The following C21orf58 variants were observed in gnomAD, a reference collection of about 807,000 sequenced individuals.
The protein encoded by C21orf58 is uncharacterized protein C21orf58.
C21orf58 carries 34 observed loss-of-function variants against 35.8 expected under a neutral mutation model. That is an observed-to-expected ratio of 0.95 (90% CI 0.72 to 1.26). C21orf58 has a LOEUF of 1.26. Among genes scored for constraint, C21orf58 ranks in the 50% most tolerant of loss-of-function variants. The pLI is 0.00. For synonymous variants in C21orf58, 191 were observed against 175.8 expected (o/e 1.09, Z -0.68); for missense variants, 440 against 414.3 (o/e 1.06, Z -0.54).
At chr21:46,309,490 C>A (rs1010746577) in intron 6 of C21orf58, among the ~76,000 whole-genome samples, 20 of 151,636 alleles carry the variant, frequency 1.3e-4, no homozygotes, top group Non-Finnish European at 2.4e-4. Context: ...TACTCAGTTT[C>A]AGATATTCTG....
chr21:46,313,152 G>T, intron 5 of C21orf58: 5 of 683,372 alleles, frequency 7.3e-6, no homozygotes, highest in Non-Finnish European at 7.2e-6. Context: ...GGCCATTGCA[G>T]CATGAAAGCA....
At chr21:46,307,156 A>C (rs190505609) in intron 6 of C21orf58, among the ~76,000 whole-genome samples, 3 of 151,910 alleles carry the variant, frequency 2.0e-5, no homozygotes, top group South Asian at 2.1e-4. Flanking sequence ...TTAGCCTCCC[A>C]AAGTGCTGGG....
Position 46,319,673 on chromosome 21 carries a change from C to T in C21orf58, c.101-1453G>A, listed in dbSNP as rs140208032. On this transcript the variant is annotated intron_variant, in intron 1 of 7. Transcript: ENST00000291691. ...CAGCACTTAGGGAGGCTGAGGCAGG[C>T]AGATCACGAGGTCAGGAGGTCGAGA... is the stretch of plus-strand genomic sequence containing the variant. Among the ~76,000 whole-genome samples the T allele has an allele frequency of 1.8e-3, 279 of 151,864 alleles. 1 individual carries two copies. The highest frequency in any genetic ancestry group is 6.3e-3 in the African/African-American group (261 of 41,412).
intron 5 of C21orf58, among the ~76,000 whole-genome samples, chr21:46,314,473 C>G (rs75694961): frequency 0.012 from 1,841 of 152,304 alleles, 34 homozygotes; most frequent in African/African-American, 0.042. Context: ...ACATTTAAGG[C>G]CAGGGCTGGG....
chr21:46,303,745 A>ATTTTTTTTT (rs869177693), intron 6 of C21orf58, among the ~76,000 whole-genome samples: 2 of 23,816 alleles, frequency 8.4e-5, no homozygotes, highest in African/African-American at 1.7e-4. Flanking sequence ...ATATATATAT[A>ATTTTTTTTT]TTTTTTTTTT....
intron 3 of C21orf58, among the ~76,000 whole-genome samples, chr21:46,316,455 CA>C (rs1213145943): frequency 6.6e-6 from 1 of 151,500 alleles, no homozygotes; most frequent in Admixed American, 6.6e-5. Flanking sequence ...GACTCCATCT[CA>C]AAAAAAAGAA....
Position 46,318,161 on chromosome 21 carries a change from C to G in C21orf58, c.160G>C (p.Glu54Gln). ...CTGTTACTCGCAGGAAAGAACTGCT[C>G]AGCAGGAGCCCAAGCACCGGTGTTG... ...AGNTGAWAPAEQFFPASNRTR... is the reference protein window; with the variant it reads ...AGNTGAWAPAQQFFPASNRTR... Residue 54 changes from glutamate to glutamine, a missense_variant, in exon 2 of 8, where the codon GAG (glutamate) becomes CAG (glutamine). Physicochemically the swap from Glu to Gln is conservative, Grantham distance 29. Coordinates refer to ENST00000291691, the MANE Select transcript of C21orf58 (RefSeq NM_058180.5). 6.2e-7 allele frequency: 1 copy of G among 1,613,088 alleles called. No individual in the cohort carries two copies. Among genetic ancestry groups the G allele is most frequent in the Non-Finnish European group, 8.5e-7 (1 of 1,180,026 alleles).
Position 46,318,144 on chromosome 21 carries a change from C to T in C21orf58, c.177G>A (p.Ala59=), listed in dbSNP as rs147199055. The T allele has an allele frequency of 8.3e-5, 134 of 1,612,994 alleles. No homozygotes were observed. The highest frequency in any genetic ancestry group is 1.6e-4 in the Middle Eastern group (1 of 6,084). Residue 59 remains alanine, a synonymous_variant, in exon 2 of 8, where the codon GCG becomes GCA. Transcript: ENST00000291691. ...CACCTCCCTCCCTGGTTCTGTTACT[C>T]GCAGGAAAGAACTGCTCAGCAGGAG... The part of the protein sequence containing the change: ...AWAPAEQFFP[A]SNRTREGGGL...
At position 46,302,005 on chromosome 21, in the gene C21orf58, TG is replaced by T; in HGVS notation, c.962del (p.Pro321HisfsTer78). 1 of 1,530,164 alleles carries T rather than the reference TG, an allele frequency of 6.5e-7. No homozygotes were observed. The highest frequency in any genetic ancestry group is 8.8e-7 in the Non-Finnish European group (1 of 1,138,452). The allele number at this position is 1,530,164 out of a possible 1,614,324, so 94.8% of individuals were successfully genotyped here. A position where few individuals can be genotyped will look rare whatever the true frequency, so the allele number is the denominator to read the frequency against. ...GGGTCTCTGTGACTCACACTCAGGGTGGGCCAGGCGTCCACAGGCTGGGGGC... is the reference window on the plus strand; with the variant it reads ...GGGTCTCTGTGACTCACACTCAGGGTGGCCAGGCGTCCACAGGCTGGGGGC... The part of the protein sequence containing the change: ...QPAPSLWTPG[P>X]P On this transcript the variant is annotated frameshift_variant, in exon 8 of 8. Transcript: ENST00000291691. LOFTEE classifies it high-confidence loss of function.
chr21:46,303,730 TATATATATATA>T (rs1569116227), intron 6 of C21orf58, among the ~76,000 whole-genome samples: 18 of 28,726 alleles, frequency 6.3e-4, no homozygotes, highest in Non-Finnish European at 9.2e-4. Context: ...TATATATATA[TATATATATATA>T]TATATTTTTT....
In C21orf58 at chr21:46,322,924, G is replaced by A. The variant is rs1281853388; in HGVS notation, c.-186C>T. On this transcript the variant is annotated 5_prime_UTR_variant, in exon 1 of 8. Transcript: ENST00000291691. ...AGGGCATCGTTACTGCTGCAAACAA[G>A]CACACGGCCCTCCACGACGAACCTT... The A allele has an allele frequency of 4.3e-6, 2 of 461,808 alleles. No homozygotes were observed. The highest frequency in any genetic ancestry group is 4.0e-5 in the African/African-American group (2 of 49,672). The allele number at this position is 461,808 out of a possible 1,614,324, so 28.6% of individuals were successfully genotyped here.
At chr21:46,306,093 G>A (rs996205143) in intron 6 of C21orf58, among the ~76,000 whole-genome samples, 2 of 149,058 alleles carry the variant, frequency 1.3e-5, no homozygotes, top group African/African-American at 2.5e-5. Flanking sequence ...AAAGACTCAT[G>A]AGATGGGAAT....
intron 5 of C21orf58, among the ~76,000 whole-genome samples, chr21:46,314,436 T>A (rs1468117192): frequency 6.6e-6 from 1 of 152,108 alleles, no homozygotes; most frequent in Non-Finnish European, 1.5e-5. Context: ...CCCGCTGAGC[T>A]CTCCTGATAC....
At chr21:46,315,627 C>T in intron 3 of C21orf58, 80 bp from the exon 4 acceptor site, 1 of 938,746 alleles carries the variant, frequency 1.1e-6, no homozygotes, top group Non-Finnish European at 1.7e-6. Context: ...TGGTACTGCA[C>T]CCATGTCGGA....
At chr21:46,303,733 ATATATATATATATTTTTTTTTT>A (rs1237570810) in intron 6 of C21orf58, among the ~76,000 whole-genome samples, 16 of 32,230 alleles carry the variant, frequency 5.0e-4, no homozygotes, top group East Asian at 1.2e-3. Context: ...ATATATATAT[ATATATATATATATTTTTTTTTT>A]TTTTTTTTTT....
rs748729738 is a variant in C21orf58, at chr21:46,311,550, G to A, written c.627C>T (p.Ala209=). The change falls in exon 6 of 8, where the codon GCC becomes GCT. Residue 209 remains alanine, a synonymous_variant. Transcript: ENST00000291691. ...GCTGAGGGAGCTGCTGAATGATGGTGGCAGGAGGCTGGGGGACCTAGGAAC... is the reference window on the plus strand; with the variant it reads ...GCTGAGGGAGCTGCTGAATGATGGTAGCAGGAGGCTGGGGGACCTAGGAAC... The part of the protein sequence containing the change: ...IILPTVPQPP[A]TIIQQLPQQP... 1 of 1,610,572 alleles carries A rather than the reference G, an allele frequency of 6.2e-7. No homozygotes were observed. Among genetic ancestry groups the A allele is most frequent in the South Asian group, 1.1e-5 (1 of 90,116 alleles).
intron 3 of C21orf58, 31 bp downstream of exon 3, chr21:46,317,177 T>G (rs760774323): frequency 1.2e-6 from 2 of 1,601,118 alleles, no homozygotes; most frequent in African/African-American, 1.3e-5. Flanking sequence ...CGTCTGTCTG[T>G]GCTGGTTCCA....
At chr21:46,315,587 G>A (rs941453481) in intron 3 of C21orf58, 40 bp from the exon 4 acceptor site, 1 of 1,381,134 alleles carries the variant, frequency 7.2e-7, no homozygotes, top group East Asian at 2.3e-5. Context: ...GGAACGCGTA[G>A]AGGCTGTCGC....
intron 6 of C21orf58, among the ~76,000 whole-genome samples, chr21:46,310,501 A>T (rs141804348): frequency 0.057 from 8,581 of 151,336 alleles, 361 homozygotes; most frequent in Non-Finnish European, 0.089. Context: ...TAAAAATAAA[A>T]AAAAAAAACA....
Sources: gnomAD v4.1 joint callset for allele counts (sites outside exome capture counted in the v4.1 genomes callset) on GRCh38, gnomAD v4.1.1 for gene constraint, MANE v1.5 for transcripts, NCBI Gene and HGNC (gene_info 2026-07-23, HGNC 2026-07-21) for gene names.